PDE4D: variants seen among roughly 807,000 people sequenced by gnomAD.
The protein encoded by PDE4D is phosphodiesterase 4D, also known as 3',5'-cyclic-AMP phosphodiesterase 4D.
PDE4D carries 24 observed loss-of-function variants against 87.4 expected under a neutral mutation model. The ratio of observed to expected loss-of-function variants is 0.27; its 90% confidence interval spans 0.20 to 0.39. PDE4D has a LOEUF of 0.39. PDE4D is among the 10% of genes least tolerant of loss of function. The probability of loss-of-function intolerance (pLI) is 1.00; values close to 1 mark genes in which losing one functional copy is unlikely to be tolerated. For missense variants in PDE4D, 714 were observed against 1,041.0 expected (o/e 0.69, Z 4.32); for synonymous variants, 384 against 383.2 (o/e 1.00, Z -0.02).
chr5:59,058,521 A>G (rs1270580446), intron 5 of PDE4D, among the ~76,000 whole-genome samples: 1 of 152,210 alleles, frequency 6.6e-6, no homozygotes, highest in African/African-American at 2.4e-5. Flanking sequence ...ATACCAGTGT[A>G]ATTATGAATA....
At chr5:60,329,900 A>G (rs925537138) in intron 1 of PDE4D, among the ~76,000 whole-genome samples, 1 of 152,270 alleles carries the variant, frequency 6.6e-6, no homozygotes, top group African/African-American at 2.4e-5. Context: ...ACTGATGGTA[A>G]AATAACATAA....
At chr5:60,198,417 A>G (rs937924138) in intron 1 of PDE4D, among the ~76,000 whole-genome samples, 28 of 151,640 alleles carry the variant, frequency 1.8e-4, no homozygotes, top group Admixed American at 1.4e-3. Context: ...GTCATATTCC[A>G]TATTCCAAAG....
At chr5:60,008,798 C>T (rs1186269361) in intron 2 of PDE4D, among the ~76,000 whole-genome samples, 2 of 152,044 alleles carry the variant, frequency 1.3e-5, no homozygotes, top group Non-Finnish European at 2.9e-5. Context: ...CCTATTGCTC[C>T]TCAAACAACA....
intron 1 of PDE4D, among the ~76,000 whole-genome samples, chr5:60,198,450 T>C (rs1163271351): frequency 6.6e-6 from 1 of 151,668 alleles, no homozygotes; most frequent in Non-Finnish European, 1.5e-5. Flanking sequence ...AATTCTGTTT[T>C]GGCCATTTTC....
At chr5:60,294,253 G>A (rs1033108000) in intron 1 of PDE4D, among the ~76,000 whole-genome samples, 4 of 152,102 alleles carry the variant, frequency 2.6e-5, no homozygotes, top group African/African-American at 7.2e-5. Flanking sequence ...CCCTTGAAAT[G>A]CTTTGCCCAT....
intron 1 of PDE4D, among the ~76,000 whole-genome samples, chr5:60,376,585 G>C (rs770449993): frequency 1.3e-5 from 2 of 152,148 alleles, no homozygotes; most frequent in Non-Finnish European, 2.9e-5. Flanking sequence ...ACACTCAGTA[G>C]CTCTTCCATT....
intron 1 of PDE4D, among the ~76,000 whole-genome samples, chr5:59,455,452 G>A (rs1799772454): frequency 6.6e-6 from 1 of 152,208 alleles, no homozygotes; most frequent in Non-Finnish European, 1.5e-5. Flanking sequence ...TTGAGGTTTG[G>A]GAACCTCTGC....
intron 1 of PDE4D, among the ~76,000 whole-genome samples, chr5:60,245,429 T>C (rs1453046388): frequency 1.3e-5 from 2 of 151,958 alleles, no homozygotes; most frequent in Non-Finnish European, 2.9e-5. Flanking sequence ...ATCCCACTCC[T>C]AGGTATATAC....
rs17777238 is a variant in PDE4D, at chr5:59,064,736, T to C, written c.809-25765A>G. 7.5e-3 allele frequency among the ~76,000 whole-genome samples: 1,137 copies of C among 152,244 alleles called. 16 individuals are homozygous for C. Among genetic ancestry groups the C allele is most frequent in the South Asian group, 0.06 (291 of 4,830 alleles). On this transcript the variant is annotated intron_variant, in intron 5 of 14. Coordinates refer to ENST00000340635, the MANE Select transcript of PDE4D (RefSeq NM_001104631.2). ...ATGTATTTAGAGTATCAGTAACCCT[T>C]GAATTAATGCATCCATCAGTAATAA...
At chr5:60,166,049 T>C (rs978655755) in intron 2 of PDE4D, among the ~76,000 whole-genome samples, 2 of 152,204 alleles carry the variant, frequency 1.3e-5, no homozygotes, top group Non-Finnish European at 2.9e-5. Context: ...TAATAGGGTC[T>C]TCCTTTGTAG....
intron 2 of PDE4D, among the ~76,000 whole-genome samples, chr5:60,018,783 G>A (rs1411756395): frequency 6.6e-6 from 1 of 152,092 alleles, no homozygotes; most frequent in African/African-American, 2.4e-5. Context: ...TCAACAAGAA[G>A]GGCTAACTAT....
At chr5:60,403,490 T>C (rs1201722115) in intron 1 of PDE4D, among the ~76,000 whole-genome samples, 1 of 152,204 alleles carries the variant, frequency 6.6e-6, no homozygotes, top group Non-Finnish European at 1.5e-5. Flanking sequence ...ATATACAAGG[T>C]ACAATTCAGT....
chr5:59,236,611 A>G lies in PDE4D; in HGVS notation c.456-20643T>C, dbSNP rs1435464041. On this transcript the variant is annotated intron_variant, in intron 1 of 14. Coordinates refer to ENST00000340635, the MANE Select transcript of PDE4D (RefSeq NM_001104631.2). ...CACTGAACTCAGCTCATATTCCTCTATGCTGTGCTTACTCGGGAGCGGGAG... is the reference window on the plus strand; with the variant it reads ...CACTGAACTCAGCTCATATTCCTCTGTGCTGTGCTTACTCGGGAGCGGGAG... Among the ~76,000 whole-genome samples, 3 of 152,074 alleles carry G rather than the reference A, an allele frequency of 2.0e-5. No homozygotes were observed. The East Asian group carries it at 5.8e-4, about 29-fold the overall frequency.
At chr5:60,321,893 G>GT (rs34510283) in intron 1 of PDE4D, among the ~76,000 whole-genome samples, 8,970 of 148,358 alleles carry the variant, frequency 0.06, 860 homozygotes, top group African/African-American at 0.21. Context: ...AAAAAATACT[G>GT]TTTTTTTTTT....
At chr5:60,351,774 C>A (rs1036132566) in intron 1 of PDE4D, among the ~76,000 whole-genome samples, 7 of 139,072 alleles carry the variant, frequency 5.0e-5, no homozygotes. Flanking sequence ...TTTCTTCCAC[C>A]TAATTATTTT....
At chr5:59,079,270 T>A (rs986278496) in intron 5 of PDE4D, among the ~76,000 whole-genome samples, 1 of 152,170 alleles carries the variant, frequency 6.6e-6, no homozygotes, top group East Asian at 1.9e-4. Context: ...CTATTACCTA[T>A]GTAATAAAAC....
rs532667578 is a variant in PDE4D, at chr5:59,667,576, A to G, written c.455+225592T>C. On this transcript the variant is annotated intron_variant, in intron 1 of 14. Transcript: ENST00000340635. Reference sequence around the variant, plus strand: ...TTTAGCATCTTCTCATGATTTCCCTATTTCTGTTCCTGGATCATTATTCTC... The same window carrying G: ...TTTAGCATCTTCTCATGATTTCCCTGTTTCTGTTCCTGGATCATTATTCTC... 5.3e-5 allele frequency among the ~76,000 whole-genome samples: 8 copies of G among 152,048 alleles called. No individual in the cohort carries two copies. The South Asian group carries it at 1.2e-3, about 24-fold the overall frequency.
At chr5:60,497,703 G>A (rs1316950495) in intron 1 of PDE4D, among the ~76,000 whole-genome samples, 1 of 152,066 alleles carries the variant, frequency 6.6e-6, no homozygotes, top group Non-Finnish European at 1.5e-5. Context: ...GGGCACACCA[G>A]CCACCTGTAA....
chr5:59,578,824 T>G (rs1209497296), intron 1 of PDE4D, among the ~76,000 whole-genome samples: 1 of 152,146 alleles, frequency 6.6e-6, no homozygotes, highest in African/African-American at 2.4e-5. Flanking sequence ...GAGGGTGTCA[T>G]GTCCACAAGT....
Sources: allele counts gnomAD v4.1 joint callset (sites outside exome capture counted in the v4.1 genomes callset), GRCh38; gene constraint gnomAD v4.1.1; transcripts MANE v1.5; gene names NCBI Gene and HGNC (gene_info 2026-07-23, HGNC 2026-07-21).